The following XYLT1 variants were observed in gnomAD, a reference collection of about 807,000 sequenced individuals.
XYLT1 encodes the protein xylosyltransferase 1.
XYLT1 carries 36 observed loss-of-function variants against 91.3 expected under a neutral mutation model. The ratio of observed to expected loss-of-function variants is 0.39; its 90% CI spans 0.30 to 0.52. XYLT1 has a LOEUF of 0.52. Ranked by LOEUF, XYLT1 falls within the 20% of genes least tolerant of loss-of-function variation. The pLI is 0.68. For missense variants in XYLT1, 1,242 were observed against 1,284.5 expected (o/e 0.97, Z 0.51); for synonymous variants, 588 against 532.0 (o/e 1.11, Z -1.45).
At chr16:17,111,215 G>A (rs1268568964) in intron 11 of XYLT1, among the ~76,000 whole-genome samples, 2 of 152,226 alleles carry the variant, frequency 1.3e-5, no homozygotes, top group Admixed American at 1.3e-4. Context: ...ACAGTAACAT[G>A]TACGTAAGAG....
chr16:17,437,984 A>C (rs1489733171), intron 1 of XYLT1, among the ~76,000 whole-genome samples: 1 of 152,212 alleles, frequency 6.6e-6, no homozygotes, highest in Non-Finnish European at 1.5e-5. Context: ...AAACTATCAG[A>C]AGAAGAAAAA....
chr16:17,435,914 T>C (rs2036453034), intron 1 of XYLT1, among the ~76,000 whole-genome samples: 1 of 152,220 alleles, frequency 6.6e-6, no homozygotes. Context: ...AGTAGTAATG[T>C]CTCCACTGAT....
At chr16:17,328,223 G>A (rs557248060) in intron 2 of XYLT1, among the ~76,000 whole-genome samples, 1 of 152,078 alleles carries the variant, frequency 6.6e-6, no homozygotes, top group Admixed American at 6.6e-5. Flanking sequence ...GAGAAGCAGG[G>A]CCAGCTGATT....
chr16:17,140,948 G>A (rs1335788321), intron 7 of XYLT1, among the ~76,000 whole-genome samples: 2 of 152,192 alleles, frequency 1.3e-5, no homozygotes, highest in Non-Finnish European at 2.9e-5. Flanking sequence ...GACTGCCGGT[G>A]GTAGCACCGT....
intron 1 of XYLT1, among the ~76,000 whole-genome samples, chr16:17,470,172 C>G (rs1221325165): frequency 6.6e-6 from 1 of 152,196 alleles, no homozygotes; most frequent in East Asian, 1.9e-4. Flanking sequence ...CAGCCAGGCT[C>G]CGGTAACCCC....
intron 2 of XYLT1, among the ~76,000 whole-genome samples, chr16:17,292,056 G>C (rs1051014639): frequency 6.6e-6 from 1 of 150,834 alleles, no homozygotes; most frequent in Non-Finnish European, 1.5e-5. Flanking sequence ...CCAGCTAGCC[G>C]GGCATGGTGG....
chr16:17,231,496 C>A (rs560826126), intron 3 of XYLT1, among the ~76,000 whole-genome samples: 1 of 152,278 alleles, frequency 6.6e-6, no homozygotes, highest in African/African-American at 2.4e-5. Flanking sequence ...GCCTCAATTT[C>A]CTTACCTTTA....
At chr16:17,152,226 G>A (rs2031299467) in intron 6 of XYLT1, among the ~76,000 whole-genome samples, 1 of 152,170 alleles carries the variant, frequency 6.6e-6, no homozygotes, top group African/African-American at 2.4e-5. Flanking sequence ...TTTGTGTATT[G>A]TTTGGAAAGA....
intron 3 of XYLT1, among the ~76,000 whole-genome samples, chr16:17,241,329 T>C (rs1386753615): frequency 2.0e-5 from 3 of 152,172 alleles, no homozygotes; most frequent in Non-Finnish European, 4.4e-5. Flanking sequence ...GAGAAAGCAA[T>C]GGCAACAGCA....
At chr16:17,410,957 C>T (rs1446518839) in intron 1 of XYLT1, among the ~76,000 whole-genome samples, 7 of 152,266 alleles carry the variant, frequency 4.6e-5, no homozygotes, top group African/African-American at 1.7e-4. Flanking sequence ...CCATTACTTT[C>T]ATTAGCACCA....
At chr16:17,315,786 C>G (rs1351526629) in intron 2 of XYLT1, among the ~76,000 whole-genome samples, 1 of 151,794 alleles carries the variant, frequency 6.6e-6, no homozygotes, top group Non-Finnish European at 1.5e-5. Flanking sequence ...TCAAGTCTGA[C>G]TCCAAGGCTA....
intron 2 of XYLT1, among the ~76,000 whole-genome samples, chr16:17,304,277 C>A (rs2034440746): frequency 6.6e-6 from 1 of 152,142 alleles, no homozygotes; most frequent in African/African-American, 2.4e-5. Context: ...AGACCAGAGG[C>A]AGGTGAGGAG....
At chr16:17,295,396 C>T (rs1410882451) in intron 2 of XYLT1, among the ~76,000 whole-genome samples, 1 of 152,004 alleles carries the variant, frequency 6.6e-6, no homozygotes, top group Non-Finnish European at 1.5e-5. Context: ...TGCCCTGTCA[C>T]ACAGGCTGGA....
At chr16:17,376,830 A>C in intron 1 of XYLT1, among the ~76,000 whole-genome samples, 1 of 70,230 alleles carries the variant, frequency 1.4e-5, no homozygotes, top group East Asian at 2.3e-4. Flanking sequence ...TCTGTCTCAA[A>C]AAAAAAAAAA....
At chr16:17,135,563 CAA>C (rs112216252) in intron 8 of XYLT1, among the ~76,000 whole-genome samples, 1,234 of 117,082 alleles carry the variant, frequency 0.011, 26 homozygotes, top group African/African-American at 0.035. Flanking sequence ...GAGTGTAGCT[CAA>C]AAAAAAAAAA....
chr16:17,456,333 T>A (rs1305115492), intron 1 of XYLT1, among the ~76,000 whole-genome samples: 1 of 76,940 alleles, frequency 1.3e-5, no homozygotes, highest in South Asian at 4.3e-4. Flanking sequence ...AGTACAAACC[T>A]TTTTTTTTTT....
At chr16:17,142,679 G>A (rs931520117) in intron 6 of XYLT1, among the ~76,000 whole-genome samples, 1 of 151,608 alleles carries the variant, frequency 6.6e-6, no homozygotes, top group East Asian at 1.9e-4. Context: ...CTGACCTCAG[G>A]TGATCCACCC....
At chr16:17,247,751 C>G (rs1407866846) in intron 3 of XYLT1, among the ~76,000 whole-genome samples, 2 of 152,116 alleles carry the variant, frequency 1.3e-5, no homozygotes, top group Admixed American at 1.3e-4. Flanking sequence ...GTGAAACAGC[C>G]CAGGACACTG....
chr16:17,327,251 G>A (rs994528579), intron 2 of XYLT1, among the ~76,000 whole-genome samples: 1 of 151,758 alleles, frequency 6.6e-6, no homozygotes, highest in Non-Finnish European at 1.5e-5. Flanking sequence ...GGCCAAGCAT[G>A]TATATTTAAG....
Sources: gnomAD v4.1 joint callset for allele counts (sites outside exome capture counted in the v4.1 genomes callset) on GRCh38, gnomAD v4.1.1 for gene constraint, MANE v1.5 for transcripts, NCBI Gene and HGNC (gene_info 2026-07-23, HGNC 2026-07-21) for gene names.